The following WDFY2 variants were observed in gnomAD, a reference collection of about 807,000 sequenced individuals.
WDFY2 encodes the protein WD repeat and FYVE domain containing 2.
In WDFY2, 36 loss-of-function variants were observed where a neutral mutation model predicts 56.4. The ratio of observed to expected loss-of-function variants is 0.64; its 90% confidence interval spans 0.49 to 0.84. The LOEUF (loss-of-function observed/expected upper bound fraction) is 0.84. Ranked by LOEUF, WDFY2 falls within the 40% of genes least tolerant of loss-of-function variation. The probability of loss-of-function intolerance (pLI) is 0.00; values close to 1 mark genes in which losing one functional copy is unlikely to be tolerated. For missense variants in WDFY2, 444 were observed against 512.2 expected (o/e 0.87, Z 1.29); for synonymous variants, 176 against 183.7 (o/e 0.96, Z 0.34).
At chr13:51,632,630 T>G (rs904399787) in intron 1 of WDFY2, among the ~76,000 whole-genome samples, 4 of 152,216 alleles carry the variant, frequency 2.6e-5, no homozygotes, top group Non-Finnish European at 4.4e-5. Context: ...TATGTCCTAT[T>G]GCTCCTTTTT....
intron 3 of WDFY2, among the ~76,000 whole-genome samples, chr13:51,698,471 G>T (rs183793322): frequency 6.6e-6 from 1 of 152,256 alleles, no homozygotes; most frequent in African/African-American, 2.4e-5. Context: ...AAATTTGGCA[G>T]CTACTCTTAA....
At chr13:51,688,348 A>G (rs1249816714) in intron 3 of WDFY2, among the ~76,000 whole-genome samples, 1 of 152,096 alleles carries the variant, frequency 6.6e-6, no homozygotes, top group Admixed American at 6.6e-5. Context: ...CAGAATTTGC[A>G]CTGTAGTTTT....
chr13:51,585,754 G>C (rs1482910669), intron 1 of WDFY2, among the ~76,000 whole-genome samples: 3 of 152,204 alleles, frequency 2.0e-5, no homozygotes, highest in African/African-American at 7.2e-5. Flanking sequence ...GGATTTTACA[G>C]TAAGTAGGTT....
intron 1 of WDFY2, chr13:51,591,668 G>C (rs1262131574): frequency 6.6e-6 from 1 of 152,142 alleles, no homozygotes; most frequent in Non-Finnish European, 1.5e-5. Context: ...GATCCTAGTT[G>C]TGACCGTTTC....
At chr13:51,742,851 A>G (rs1490828509) in intron 7 of WDFY2, among the ~76,000 whole-genome samples, 2 of 152,248 alleles carry the variant, frequency 1.3e-5, no homozygotes, top group East Asian at 3.9e-4. Context: ...CCAAAATCCA[A>G]GCTCTTGATT....
At position 51,761,073 on chromosome 13, in the gene WDFY2, A is replaced by G. The variant is rs538909878; in HGVS notation, c.*1304A>G. ...CTGTATTCCTCGCCCTCTGTATTCT[A>G]TCCCTTTAAAAACTAGATATTTAAA... On this transcript the variant is annotated 3_prime_UTR_variant, in exon 12 of 12. Transcript: ENST00000298125. The G allele has an allele frequency of 6.6e-6, 1 of 152,344 alleles. No homozygotes were observed. Among genetic ancestry groups the G allele is most frequent in the Middle Eastern group, 3.4e-3 (1 of 294 alleles). 9.4% of individuals were successfully genotyped at this position (152,344 alleles called of 1,614,324 possible).
intron 4 of WDFY2, among the ~76,000 whole-genome samples, chr13:51,708,581 TAA>T (rs71085095): frequency 1.4e-4 from 20 of 144,648 alleles, no homozygotes; most frequent in Non-Finnish European, 2.0e-4. Flanking sequence ...CCCAATTAAT[TAA>T]AAAAAAAAAG....
intron 3 of WDFY2, among the ~76,000 whole-genome samples, chr13:51,678,690 T>G (rs889878310): frequency 3.9e-5 from 6 of 152,216 alleles, no homozygotes; most frequent in African/African-American, 1.4e-4. Context: ...GTACAAAAGA[T>G]TATGCTCAAT....
chr13:51,674,212 TG>T (rs1344905058), intron 2 of WDFY2, among the ~76,000 whole-genome samples: 1 of 152,210 alleles, frequency 6.6e-6, no homozygotes, highest in East Asian at 1.9e-4. Flanking sequence ...ATTGTGATTA[TG>T]ATAATAGGTA....
intron 5 of WDFY2, among the ~76,000 whole-genome samples, chr13:51,723,457 C>A (rs1952535123): frequency 1.3e-5 from 2 of 151,962 alleles, no homozygotes; most frequent in African/African-American, 4.8e-5. Context: ...AGAGCAGTGC[C>A]CCCTTCACTT....
intron 2 of WDFY2, among the ~76,000 whole-genome samples, chr13:51,662,291 A>G (rs1955629870): frequency 6.6e-6 from 1 of 152,082 alleles, no homozygotes; most frequent in African/African-American, 2.4e-5. Flanking sequence ...TAAATGATAT[A>G]ACCAGTATTT....
chr13:51,755,540 T>C (rs1388827602), intron 9 of WDFY2, 81 bp downstream of exon 9: 1 of 1,374,006 alleles, frequency 7.3e-7, no homozygotes, highest in East Asian at 2.4e-5. Flanking sequence ...ATAACACCCC[T>C]GGGTGGGAGT....
intron 5 of WDFY2, among the ~76,000 whole-genome samples, chr13:51,723,506 G>C (rs1374981118): frequency 6.6e-6 from 1 of 152,062 alleles, no homozygotes; most frequent in Non-Finnish European, 1.5e-5. Flanking sequence ...TACTGAATCA[G>C]TTCTCCTGCA....
intron 5 of WDFY2, among the ~76,000 whole-genome samples, chr13:51,722,197 T>G (rs1036183338): frequency 1.3e-5 from 2 of 152,122 alleles, no homozygotes; most frequent in Non-Finnish European, 2.9e-5. Flanking sequence ...GAACTCATTC[T>G]CTTCTATCTC....
rs1396077704 is a variant in WDFY2, at chr13:51,676,145, G to A, written c.279+902G>A. ...CACTACCAAGACCCTGGAATTTCCT[G>A]CCCCAAACTGCTCAGAACCTGCTTC... On this transcript the variant is annotated intron_variant, in intron 3 of 11. Coordinates refer to ENST00000298125, the MANE Select transcript of WDFY2 (RefSeq NM_052950.4). Among the ~76,000 whole-genome samples, 3 of 152,146 alleles carry A rather than the reference G, an allele frequency of 2.0e-5. No individual in the cohort carries two copies. The East Asian group carries it at 5.8e-4, about 29-fold the overall frequency.
rs750370307 is a variant in WDFY2 at position 51,765,583 on chromosome 13, T to C, written c.*5814T>C. The C allele has an allele frequency of 6.6e-6, 1 of 152,238 alleles. No individual in the cohort carries two copies. The highest frequency in any genetic ancestry group is 1.5e-5 in the Non-Finnish European group (1 of 68,044). The allele number at this position is 152,238 out of a possible 1,614,324, so 9.4% of individuals were successfully genotyped here. A position where few individuals can be genotyped will look rare whatever the true frequency, so the allele number is the denominator to read the frequency against. ...CTCTGATTCCCTGAGTCTCGTTTAT[T>C]ATTGGACATGCCTAGCCCATCACCA... On this transcript the variant is annotated 3_prime_UTR_variant, in exon 12 of 12. Transcript: ENST00000298125.
At chr13:51,657,837 A>G (rs1955539744) in intron 1 of WDFY2, among the ~76,000 whole-genome samples, 1 of 151,954 alleles carries the variant, frequency 6.6e-6, no homozygotes, top group Admixed American at 6.6e-5. Context: ...GATACTCCCC[A>G]TTTGTTCATA....
intron 4 of WDFY2, among the ~76,000 whole-genome samples, chr13:51,717,743 G>A (rs1164818535): frequency 6.6e-6 from 1 of 152,142 alleles, no homozygotes; most frequent in East Asian, 1.9e-4. Context: ...TAAAGCCTGT[G>A]TTTTGATCTT....
intron 8 of WDFY2, 52 bp downstream of exon 8, chr13:51,751,467 C>G: frequency 6.8e-7 from 1 of 1,471,414 alleles, no homozygotes; most frequent in Non-Finnish European, 9.5e-7. Context: ...CCCTGCCTCC[C>G]TTCCTGCTTA....
Sources: allele counts gnomAD v4.1 joint callset (sites outside exome capture counted in the v4.1 genomes callset), GRCh38; gene constraint gnomAD v4.1.1; transcripts MANE v1.5; gene names NCBI Gene and HGNC (gene_info 2026-07-23, HGNC 2026-07-21).